The following PDS5B variants were observed in gnomAD, a reference collection of about 807,000 sequenced individuals.
PDS5B encodes sister chromatid cohesion protein PDS5 homolog B.
In PDS5B, 51 loss-of-function variants were observed where a neutral mutation model predicts 184.1. That is an observed-to-expected ratio of 0.28 (90% CI 0.22 to 0.35). The LOEUF is 0.35. Ranked by LOEUF, PDS5B falls within the 10% of genes least tolerant of loss-of-function variation. PDS5B has a pLI of 1.00. For missense variants in PDS5B, 1,180 were observed against 1,723.3 expected (o/e 0.68, Z 5.58); for synonymous variants, 566 against 569.2 (o/e 0.99, Z 0.08).
intron 1 of PDS5B, among the ~76,000 whole-genome samples, chr13:32,613,597 A>C (rs2058174502): frequency 6.6e-6 from 1 of 152,056 alleles, no homozygotes; most frequent in African/African-American, 2.4e-5. Flanking sequence ...TCTTTTTACT[A>C]TTCAGTTGTA....
chr13:32,719,074 T>A (rs1490394941), intron 19 of PDS5B, among the ~76,000 whole-genome samples: 1 of 152,246 alleles, frequency 6.6e-6, no homozygotes, highest in African/African-American at 2.4e-5. Context: ...ATAACATGAA[T>A]TAAAATACTA....
intron 1 of PDS5B, among the ~76,000 whole-genome samples, chr13:32,616,674 C>G (rs1426053932): frequency 1.3e-5 from 2 of 152,104 alleles, no homozygotes; most frequent in Non-Finnish European, 2.9e-5. Flanking sequence ...CATGCTGAAG[C>G]CTTCTCTACC....
chr13:32,764,404 T>C, intron 30 of PDS5B, 85 bp from the exon 31 acceptor site: 2 of 751,658 alleles, frequency 2.7e-6, no homozygotes, highest in Non-Finnish European at 3.9e-6. Context: ...ATTTTTTCCA[T>C]AAATCTGTAA....
At chr13:32,659,844 A>C (rs181718027) in intron 6 of PDS5B, among the ~76,000 whole-genome samples, 1 of 152,302 alleles carries the variant, frequency 6.6e-6, no homozygotes, top group African/African-American at 2.4e-5. Context: ...AGAGGAGGAC[A>C]GGAATCACCA....
chr13:32,626,441 T>A (rs1314434021), intron 1 of PDS5B, among the ~76,000 whole-genome samples: 1 of 152,222 alleles, frequency 6.6e-6, no homozygotes, highest in Admixed American at 6.5e-5. Context: ...TAAGGCTGAA[T>A]TCGACCTTGT....
chr13:32,651,597 A>G (rs186459016), intron 2 of PDS5B, among the ~76,000 whole-genome samples: 13 of 152,344 alleles, frequency 8.5e-5, no homozygotes, highest in African/African-American at 2.6e-4. Flanking sequence ...TATTTTGGGT[A>G]AATGAAAAAA....
At chr13:32,601,822 A>AGG (rs886606320) in intron 1 of PDS5B, among the ~76,000 whole-genome samples, 2 of 152,222 alleles carry the variant, frequency 1.3e-5, no homozygotes, top group African/African-American at 4.8e-5. Flanking sequence ...TATATTCAAG[A>AGG]GGGAACTACA....
At chr13:32,707,317 T>TAGAA (rs1333614295) in intron 18 of PDS5B, among the ~76,000 whole-genome samples, 4 of 152,142 alleles carry the variant, frequency 2.6e-5, no homozygotes, top group African/African-American at 9.7e-5. Flanking sequence ...AACTCTGCTG[T>TAGAA]AGAATGAGCC....
At chr13:32,759,855 A>G (rs1214454467) in intron 29 of PDS5B, among the ~76,000 whole-genome samples, 165 bp downstream of exon 29, 1 of 152,186 alleles carries the variant, frequency 6.6e-6, no homozygotes, top group African/African-American at 2.4e-5. Context: ...TATATTTACT[A>G]GATATACACA....
intron 24 of PDS5B, among the ~76,000 whole-genome samples, chr13:32,746,984 G>GAAATTTAT (rs557276138): frequency 1.9e-4 from 29 of 152,138 alleles, no homozygotes; most frequent in Non-Finnish European, 3.7e-4. Flanking sequence ...CAACAGTATC[G>GAAATTTAT]AAATTTATAC....
At chr13:32,634,582 AC>A (rs1319891112) in intron 1 of PDS5B, among the ~76,000 whole-genome samples, 1 of 115,012 alleles carries the variant, frequency 8.7e-6, no homozygotes, top group Non-Finnish European at 1.7e-5. Context: ...TTTACATTTA[AC>A]TTTTTTTTTT....
chr13:32,757,940 T>C (rs1954243552), intron 26 of PDS5B, 147 bp from the exon 27 acceptor site: 3 of 399,722 alleles, frequency 7.5e-6, no homozygotes, highest in South Asian at 9.5e-5. Context: ...TCTTTTTCCC[T>C]GCTGGTTTGT....
chr13:32,632,694 G>C (rs914313985), intron 1 of PDS5B, among the ~76,000 whole-genome samples: 1 of 152,242 alleles, frequency 6.6e-6, no homozygotes, highest in Non-Finnish European at 1.5e-5. Context: ...TATTTGTACA[G>C]CAGTGTTTAT....
intron 17 of PDS5B, among the ~76,000 whole-genome samples, chr13:32,702,900 G>A (rs1033679123): frequency 1.3e-5 from 2 of 152,114 alleles, no homozygotes; most frequent in African/African-American, 4.8e-5. Context: ...GATTGCCAAG[G>A]TGTTTTAATT....
chr13:32,688,855 A>G (rs1477344265), intron 13 of PDS5B: 3 of 340,884 alleles, frequency 8.8e-6, no homozygotes, highest in African/African-American at 2.1e-5. Context: ...TGATGTACCT[A>G]TTCTTTTTTA....
chr13:32,747,917 G>A (rs182543162), intron 24 of PDS5B, among the ~76,000 whole-genome samples: 61 of 152,276 alleles, frequency 4.0e-4, no homozygotes, highest in African/African-American at 1.3e-3. Flanking sequence ...TTAGGTAAAT[G>A]TCCACTCTAA....
chr13:32,655,535 C>A (rs931702890), intron 3 of PDS5B, among the ~76,000 whole-genome samples: 1 of 150,954 alleles, frequency 6.6e-6, no homozygotes, highest in African/African-American at 2.4e-5. Flanking sequence ...CCCGTCACCA[C>A]GCCCAGCTAA....
intron 1 of PDS5B, among the ~76,000 whole-genome samples, chr13:32,636,188 C>A (rs764001963): frequency 6.6e-6 from 1 of 152,166 alleles, no homozygotes; most frequent in South Asian, 2.1e-4. Flanking sequence ...TATGCGAGTT[C>A]GTCAGCTTTC....
At chr13:32,744,519 G>GT (rs1953677121) in intron 23 of PDS5B, among the ~76,000 whole-genome samples, 1 of 152,092 alleles carries the variant, frequency 6.6e-6, no homozygotes, top group South Asian at 2.1e-4. Flanking sequence ...TTCAAGAAAA[G>GT]TTTCCTCTGC....
Sources: allele counts gnomAD v4.1 joint callset (sites outside exome capture counted in the v4.1 genomes callset), GRCh38; gene constraint gnomAD v4.1.1; transcripts MANE v1.5; gene names NCBI Gene and HGNC (gene_info 2026-07-23, HGNC 2026-07-21).